ACYP2: variants seen among roughly 807,000 people sequenced by gnomAD.
ACYP2 encodes the protein acylphosphatase-2.
In ACYP2, 12 loss-of-function variants were observed where a neutral mutation model predicts 11.2. That is an observed-to-expected ratio of 1.08 (90% CI 0.69 to 1.74). ACYP2 has a LOEUF of 1.74. ACYP2 is among the 40% of genes most tolerant of loss of function. The pLI, the probability that ACYP2 is intolerant of heterozygous loss-of-function variation, is 0.00. For synonymous variants in ACYP2, 43 were observed against 32.2 expected, an observed-to-expected ratio of 1.33 and a Z score of -1.13; for missense variants, 134 against 101.9, an observed-to-expected ratio of 1.31 and a Z score of -1.35.
In ACYP2 at chr2:54,200,685, T is replaced by C. The variant is rs926968829; in HGVS notation, c.404+61937T>C. ...TGGATATTTGGGCTCTTTCCACTTT[T>C]TGGCTATTACAAATAATGCTGCTAT... On this transcript the variant is annotated intron_variant, in intron 6 of 6. Coordinates refer to ENST00000607452, the MANE Select transcript of ACYP2 (RefSeq NM_001320586.2). Among the ~76,000 whole-genome samples the C allele has an allele frequency of 9.9e-5, 15 of 152,234 alleles. 1 individual carries two copies. Among genetic ancestry groups the C allele is most frequent in the Admixed American group, 9.8e-4 (15 of 15,286 alleles).
chr2:54,138,436 A>G (rs920632445), intron 5 of ACYP2, among the ~76,000 whole-genome samples: 16 of 152,326 alleles, frequency 1.1e-4, no homozygotes, highest in African/African-American at 3.4e-4. Flanking sequence ...AATTGTTTTT[A>G]CTGAAAGTGA....
intron 2 of ACYP2, among the ~76,000 whole-genome samples, chr2:54,030,057 C>T (rs895860177): frequency 1.3e-5 from 2 of 152,064 alleles, no homozygotes; most frequent in Non-Finnish European, 2.9e-5. Context: ...GGTTATGAGC[C>T]CAAGACCAGT....
At position 54,197,942 on chromosome 2, in the gene ACYP2, A is replaced by ATTGTATTGTATTGTATTGTATTG. The variant is rs1354658076; in HGVS notation, c.404+59195_404+59196insTGTATTGTATTGTATTGTATTGT. On this transcript the variant is annotated intron_variant, in intron 6 of 6. Coordinates refer to ENST00000607452, the MANE Select transcript of ACYP2 (RefSeq NM_001320586.2). ...ATTTTATTTTATTTATGTATGTATT[A>ATTGTATTGTATTGTATTGTATTG]TATTGTATTGTATTGTATTGTATTG... 8.6e-5 allele frequency among the ~76,000 whole-genome samples: 6 copies of ATTGTATTGTATTGTATTGTATTG among 69,516 alleles called. 1 individual carries two copies. Among genetic ancestry groups the ATTGTATTGTATTGTATTGTATTG allele is most frequent in the Non-Finnish European group, 3.3e-5 (1 of 30,720 alleles). 45.6% of individuals were successfully genotyped at this position (69,516 alleles called of 152,430 possible). A position where few individuals can be genotyped will look rare whatever the true frequency, so the allele number is the denominator to read the frequency against.
At chr2:54,289,248 A>C (rs1689203806) in intron 6 of ACYP2, among the ~76,000 whole-genome samples, 1 of 151,908 alleles carries the variant, frequency 6.6e-6, no homozygotes, top group Non-Finnish European at 1.5e-5. Flanking sequence ...CTCCCACTAG[A>C]TAAGCAACTT....
chr2:54,201,636 C>CTTTTTT (rs59874821), intron 6 of ACYP2, among the ~76,000 whole-genome samples: 3 of 93,660 alleles, frequency 3.2e-5, no homozygotes, highest in Admixed American at 1.1e-4. Flanking sequence ...TTCTTTCTTT[C>CTTTTTT]TCTTTCTTTC....
intron 4 of ACYP2, among the ~76,000 whole-genome samples, chr2:54,127,469 C>T (rs1352973779): frequency 6.6e-6 from 1 of 152,174 alleles, no homozygotes; most frequent in Non-Finnish European, 1.5e-5. Context: ...CAGTGACTCA[C>T]ACCTGTAATC....
chr2:54,141,994 TGTG>T, intron 6 of ACYP2: 1 of 457,612 alleles, frequency 2.2e-6, no homozygotes, highest in Non-Finnish European at 3.9e-6. Context: ...TGTGTGTGTG[TGTG>T]TGTGTGTGTG....
intron 6 of ACYP2, among the ~76,000 whole-genome samples, chr2:54,285,066 C>T (rs925037085): frequency 6.6e-5 from 10 of 152,192 alleles, no homozygotes; most frequent in Non-Finnish European, 7.3e-5. Flanking sequence ...CGTCTGGTGA[C>T]AGCTCTGCTC....
intron 6 of ACYP2, among the ~76,000 whole-genome samples, chr2:54,238,989 T>C (rs925708802): frequency 1.3e-5 from 2 of 151,994 alleles, no homozygotes; most frequent in African/African-American, 4.8e-5. Context: ...TCATTTTTTA[T>C]GGGCAAAAAT....
intron 2 of ACYP2, among the ~76,000 whole-genome samples, chr2:54,032,055 A>C (rs988502490): frequency 6.6e-6 from 1 of 151,626 alleles, no homozygotes; most frequent in Non-Finnish European, 1.5e-5. Context: ...GATTGCAAAA[A>C]TTTTCTCCCA....
chr2:53,983,061 T>A (rs1047956795), intron 2 of ACYP2, among the ~76,000 whole-genome samples: 1 of 152,146 alleles, frequency 6.6e-6, no homozygotes, highest in Non-Finnish European at 1.5e-5. Flanking sequence ...TAGTTATAAT[T>A]TTATTAGATG....
At chr2:54,235,373 G>T (rs529780948) in intron 6 of ACYP2, among the ~76,000 whole-genome samples, 1 of 152,114 alleles carries the variant, frequency 6.6e-6, no homozygotes, top group Non-Finnish European at 1.5e-5. Flanking sequence ...TTTTGAGATG[G>T]AGTCTCGCTC....
At chr2:54,248,203 G>C (rs116687259) in intron 6 of ACYP2, among the ~76,000 whole-genome samples, 2 of 152,308 alleles carry the variant, frequency 1.3e-5, no homozygotes, top group African/African-American at 4.8e-5. Context: ...TTCTGCTCTG[G>C]ATTTTCTTAG....
At chr2:54,252,557 C>CTTTGT (rs1356188150) in intron 6 of ACYP2, among the ~76,000 whole-genome samples, 6 of 152,112 alleles carry the variant, frequency 3.9e-5, no homozygotes, top group Admixed American at 2.6e-4. Context: ...TTTCCATCAT[C>CTTTGT]TTTGTTTTGT....
intron 3 of ACYP2, among the ~76,000 whole-genome samples, chr2:54,054,172 G>A (rs1012828888): frequency 1.3e-5 from 2 of 152,172 alleles, no homozygotes; most frequent in Admixed American, 6.5e-5. Flanking sequence ...GGTTTAAGAC[G>A]TTTGCTAGAC....
chr2:54,153,068 A>G (rs970382247), intron 6 of ACYP2, among the ~76,000 whole-genome samples: 15 of 152,036 alleles, frequency 9.9e-5, no homozygotes, highest in Non-Finnish European at 2.2e-4. Context: ...TTTTCCCCCT[A>G]TGTTTTCTTA....
chr2:54,064,415 T>C (rs1401126134), intron 4 of ACYP2, among the ~76,000 whole-genome samples: 1 of 152,210 alleles, frequency 6.6e-6, no homozygotes, highest in East Asian at 1.9e-4. Context: ...TTCCAGGGTG[T>C]TGGCAGTGCA....
intron 6 of ACYP2, among the ~76,000 whole-genome samples, chr2:54,201,631 T>TTTCTTC (rs1684799648): frequency 1.2e-5 from 1 of 80,512 alleles, no homozygotes; most frequent in Admixed American, 1.2e-4. Context: ...TTTGTTTCTT[T>TTTCTTC]CTTTCTCTTT....
chr2:53,998,246 A>C (rs1672661837), intron 2 of ACYP2, among the ~76,000 whole-genome samples: 1 of 152,190 alleles, frequency 6.6e-6, no homozygotes, highest in Non-Finnish European at 1.5e-5. Context: ...CCATGTCCCC[A>C]GGAATTGAAG....
Sources: gnomAD v4.1 joint callset for allele counts (sites outside exome capture counted in the v4.1 genomes callset) on GRCh38, gnomAD v4.1.1 for gene constraint, MANE v1.5 for transcripts, NCBI Gene and HGNC (gene_info 2026-07-23, HGNC 2026-07-21) for gene names.